Variants in MACC1 observed in about 807,000 individuals in gnomAD.
MACC1 encodes the protein metastasis-associated in colon cancer protein 1.
Under a neutral mutation model 70.7 loss-of-function variants are expected in MACC1, and 79 were observed. The observed-to-expected ratio is 1.12, with a 90% CI of 0.93 to 1.35. The LOEUF is 1.35. Among genes scored for constraint, MACC1 ranks in the 40% most tolerant of loss-of-function variants. The pLI, the probability that MACC1 is intolerant of heterozygous loss-of-function variation, is 0.00. For synonymous variants in MACC1, 361 were observed against 347.2 expected (o/e 1.04, Z -0.44); for missense variants, 1,106 against 978.1 (o/e 1.13, Z -1.74).
intron 1 of MACC1, among the ~76,000 whole-genome samples, chr7:20,177,333 A>T (rs1782409331): frequency 6.6e-6 from 1 of 152,066 alleles, no homozygotes; most frequent in African/African-American, 2.4e-5. Context: ...AATACACTCT[A>T]TTCTTGTAAC....
At chr7:20,196,238 T>C (rs948594474) in intron 1 of MACC1, among the ~76,000 whole-genome samples, 4 of 152,192 alleles carry the variant, frequency 2.6e-5, no homozygotes, top group Admixed American at 6.5e-5. Flanking sequence ...TGGAGTGCAG[T>C]GGCGCCATCT....
In MACC1 at chr7:20,137,498, T is replaced by G. The variant is rs935529897; in HGVS notation, c.*3448A>C. On this transcript the variant is annotated 3_prime_UTR_variant, in exon 7 of 7. Coordinates refer to ENST00000400331, the MANE Select transcript of MACC1 (RefSeq NM_182762.4). ...AGGATCTGTGGCTTATACAGAAAAA[T>G]TATTATGTTTCAAGCTGGGCACTTA... is the stretch of plus-strand genomic sequence containing the variant. 6 of 152,142 alleles carry G rather than the reference T, an allele frequency of 3.9e-5. No homozygotes were observed. The highest frequency in any genetic ancestry group is 1.2e-4 in the African/African-American group (5 of 41,436). 9.4% of individuals were successfully genotyped at this position (152,142 alleles called of 1,614,324 possible).
At position 20,136,711 on chromosome 7, in the gene MACC1, C is replaced by G. The variant is rs1781721862; in HGVS notation, c.*4235G>C. On this transcript the variant is annotated 3_prime_UTR_variant, in exon 7 of 7. Transcript: ENST00000400331. ...TATTGATGTTCTTTAGAACTTCACT[C>G]TCACTAAACCATACAGCAGCATGTG... 3 of 151,980 alleles carry G rather than the reference C, an allele frequency of 2.0e-5. No individual in the cohort carries two copies. Among genetic ancestry groups the G allele is most frequent in the Admixed American group, 2.0e-4 (3 of 15,256 alleles). The allele number at this position is 151,980 out of a possible 1,614,324, so 9.4% of individuals were successfully genotyped here. A position where few individuals can be genotyped will look rare whatever the true frequency, so the allele number is the denominator to read the frequency against.
At chr7:20,144,916 T>A (rs1251549627) in intron 6 of MACC1, among the ~76,000 whole-genome samples, 9 of 151,846 alleles carry the variant, frequency 5.9e-5, no homozygotes, top group African/African-American at 2.2e-4. Context: ...GAAGCTGGAG[T>A]CAAAGAAAAA....
chr7:20,135,420 G>C lies in MACC1; in HGVS notation c.*5526C>G, dbSNP rs1437783215. 2.0e-5 allele frequency: 3 copies of C among 152,162 alleles called. No individual in the cohort carries two copies. Among genetic ancestry groups the C allele is most frequent in the Non-Finnish European group, 4.4e-5 (3 of 68,026 alleles). The allele number at this position is 152,162 out of a possible 1,614,324, so 9.4% of individuals were successfully genotyped here. On this transcript the variant is annotated 3_prime_UTR_variant, in exon 7 of 7. Transcript: ENST00000400331. ...AAAACAATTTCTCCAACAGAATTAA[G>C]TGAAATCTCATTTATCTTAAAGCAA... is the stretch of plus-strand genomic sequence containing the variant.
chr7:20,201,740 T>C (rs1193571865), intron 1 of MACC1, among the ~76,000 whole-genome samples: 1 of 150,876 alleles, frequency 6.6e-6, no homozygotes, highest in Non-Finnish European at 1.5e-5. Flanking sequence ...GAGTTCACCT[T>C]GTCCCTTGTT....
chr7:20,213,651 A>G (rs1783029201), intron 1 of MACC1, among the ~76,000 whole-genome samples: 1 of 152,252 alleles, frequency 6.6e-6, no homozygotes, highest in African/African-American at 2.4e-5. Context: ...GGAGGCTATC[A>G]TAAACAGAAA....
chr7:20,173,286 C>A (rs909037371), intron 1 of MACC1, among the ~76,000 whole-genome samples: 2 of 152,176 alleles, frequency 1.3e-5, no homozygotes, highest in African/African-American at 4.8e-5. Flanking sequence ...AGATGCCCAT[C>A]CTTACCCTGG....
chr7:20,159,912 G>C lies in MACC1; in HGVS notation c.449C>G (p.Thr150Arg). ...ATGTATACTCTGATGGGCATGTGCTGTGTCGTCTAAAATGTCCAGAAGTTC... is the reference window on the plus strand; with the variant it reads ...ATGTATACTCTGATGGGCATGTGCTCTGTCGTCTAAAATGTCCAGAAGTTC... Reference protein sequence around the residue: ...VSELLDILDDTAHAHQSIHNS... With the variant: ...VSELLDILDDRAHAHQSIHNS... Residue 150 changes from threonine to arginine, a missense_variant, in exon 5 of 7, where the codon ACA becomes AGA. Physicochemically the swap from Thr to Arg is moderately conservative, Grantham distance 71 (BLOSUM62 -1). Transcript: ENST00000400331. The C allele has an allele frequency of 8.7e-6, 14 of 1,614,138 alleles. No homozygotes were observed. The highest frequency in any genetic ancestry group is 1.2e-5 in the Non-Finnish European group (14 of 1,180,030).
At chr7:20,180,026 A>G (rs1245951662) in intron 1 of MACC1, among the ~76,000 whole-genome samples, 1 of 152,180 alleles carries the variant, frequency 6.6e-6, no homozygotes, top group Non-Finnish European at 1.5e-5. Flanking sequence ...GAGTGTCAAA[A>G]CCTGAAGCTG....
rs549559746 is a variant in MACC1, at chr7:20,138,116, G to A, written c.*2830C>T. ...TGCAGTGAGTCAAGATTGAAACACCGCACTCCAGTCTGGGCAACAGAGCCA... is the reference window on the plus strand; with the variant it reads ...TGCAGTGAGTCAAGATTGAAACACCACACTCCAGTCTGGGCAACAGAGCCA... On this transcript the variant is annotated 3_prime_UTR_variant, in exon 7 of 7. Transcript: ENST00000400331. 15 of 118,626 alleles carry A rather than the reference G, an allele frequency of 1.3e-4. No individual in the cohort carries two copies. Among genetic ancestry groups the A allele is most frequent in the Middle Eastern group, 0.017 (2 of 118 alleles). 7.3% of individuals were successfully genotyped at this position (118,626 alleles called of 1,614,324 possible).
intron 3 of MACC1, among the ~76,000 whole-genome samples, chr7:20,163,468 T>C (rs1476268241): frequency 6.6e-6 from 1 of 152,246 alleles, no homozygotes; most frequent in African/African-American, 2.4e-5. Flanking sequence ...TATACATGAA[T>C]ATTCATTACA....
At chr7:20,200,120 ATATT>A (rs1782811456) in intron 1 of MACC1, among the ~76,000 whole-genome samples, 1 of 152,054 alleles carries the variant, frequency 6.6e-6, no homozygotes, top group Non-Finnish European at 1.5e-5. Context: ...TCATAATAAA[ATATT>A]TATTCACAAT....
intron 1 of MACC1, among the ~76,000 whole-genome samples, chr7:20,197,838 T>G (rs1782778246): frequency 6.6e-6 from 1 of 152,260 alleles, no homozygotes. Context: ...TCATGGCTTT[T>G]AGGAGAAATG....
intron 1 of MACC1, among the ~76,000 whole-genome samples, chr7:20,207,196 A>G (rs1407893029): frequency 2.0e-5 from 3 of 151,712 alleles, no homozygotes; most frequent in Non-Finnish European, 4.4e-5. Context: ...GTTGGAGTGC[A>G]GTGGCGCAGT....
chr7:20,177,611 A>G (rs1239731075), intron 1 of MACC1, among the ~76,000 whole-genome samples: 1 of 150,800 alleles, frequency 6.6e-6, no homozygotes, highest in Non-Finnish European at 1.5e-5. Context: ...TTGCTATACA[A>G]ACTTTATTTT....
At chr7:20,193,696 C>T (rs1169390314) in intron 1 of MACC1, among the ~76,000 whole-genome samples, 1 of 152,096 alleles carries the variant, frequency 6.6e-6, no homozygotes, top group Non-Finnish European at 1.5e-5. Context: ...GGGCCATGTC[C>T]CACTTTGTAA....
chr7:20,176,178 G>A (rs1228286533), intron 1 of MACC1, among the ~76,000 whole-genome samples: 2 of 152,088 alleles, frequency 1.3e-5, no homozygotes, highest in Non-Finnish European at 2.9e-5. Context: ...TTTCTGAATA[G>A]ACTATTGTTT....
rs552585965 is a variant in MACC1 at position 20,134,844 on chromosome 7, A to G, written c.*6102T>C. 1 of 152,370 alleles carries G rather than the reference A, an allele frequency of 6.6e-6. No homozygotes were observed. Among genetic ancestry groups the G allele is most frequent in the African/African-American group, 2.4e-5 (1 of 41,578 alleles). 9.4% of individuals were successfully genotyped at this position (152,370 alleles called of 1,614,324 possible). A position where few individuals can be genotyped will look rare whatever the true frequency, so the allele number is the denominator to read the frequency against. ...GCCATAGATTCTTCCAATCACCCAAAGAAAAACAATTAACAAGGAAATGAT... is the reference window on the plus strand; with the variant it reads ...GCCATAGATTCTTCCAATCACCCAAGGAAAAACAATTAACAAGGAAATGAT... On this transcript the variant is annotated 3_prime_UTR_variant, in exon 7 of 7. Transcript: ENST00000400331.
Sources: allele counts gnomAD v4.1 joint callset (sites outside exome capture counted in the v4.1 genomes callset), GRCh38; gene constraint gnomAD v4.1.1; transcripts MANE v1.5; gene names NCBI Gene and HGNC (gene_info 2026-07-23, HGNC 2026-07-21).